Variants in GAREM1 observed in about 807,000 individuals in gnomAD.
GAREM1 encodes the protein GRB2-associated and regulator of MAPK protein 1.
GAREM1 carries 26 observed loss-of-function variants against 71.3 expected under a neutral mutation model. The ratio of observed to expected loss-of-function variants is 0.36; its 90% confidence interval spans 0.27 to 0.51. GAREM1 has a LOEUF of 0.51. Among genes scored for constraint, GAREM1 ranks in the 20% least tolerant of loss-of-function variants. The pLI, the probability that GAREM1 is intolerant of heterozygous loss-of-function variation, is 0.95. For missense variants in GAREM1, 1,026 were observed against 1,103.1 expected, an observed-to-expected ratio of 0.93 and a Z score of 0.99; for synonymous variants, 440 against 433.2, an observed-to-expected ratio of 1.02 and a Z score of -0.20.
chr18:32,450,458 A>G (rs1263960604), intron 1 of GAREM1, among the ~76,000 whole-genome samples: 2 of 152,232 alleles, frequency 1.3e-5, no homozygotes, highest in Admixed American at 6.5e-5. Flanking sequence ...CAACATGTGT[A>G]ACCACAAGCA....
At chr18:32,314,081 A>G (rs562451974) in intron 2 of GAREM1, among the ~76,000 whole-genome samples, 23 of 148,958 alleles carry the variant, frequency 1.5e-4, no homozygotes, top group African/African-American at 5.7e-4. Context: ...ATACTTTTTG[A>G]CAAAAAAAGT....
chr18:32,371,213 C>A (rs959625114), intron 2 of GAREM1, among the ~76,000 whole-genome samples: 2 of 152,080 alleles, frequency 1.3e-5, no homozygotes, highest in Non-Finnish European at 2.9e-5. Flanking sequence ...ACTGGCAGGA[C>A]CCAGGCCAGG....
chr18:32,412,517 T>C, intron 1 of GAREM1: 3 of 1,597,358 alleles, frequency 1.9e-6, no homozygotes, highest in Non-Finnish European at 2.5e-6. Flanking sequence ...CACTGAAGTT[T>C]CCTCCATGAC....
At chr18:32,365,189 T>C (rs1262983892) in intron 2 of GAREM1, among the ~76,000 whole-genome samples, 2 of 152,152 alleles carry the variant, frequency 1.3e-5, no homozygotes, top group African/African-American at 2.4e-5. Context: ...TTCAGAACAA[T>C]AATTTAAAAT....
At chr18:32,368,019 T>C (rs2047942232) in intron 2 of GAREM1, among the ~76,000 whole-genome samples, 1 of 152,156 alleles carries the variant, frequency 6.6e-6, no homozygotes. Flanking sequence ...AGTACATTCC[T>C]ATCCGTGCTT....
At chr18:32,437,034 G>A (rs1156760527) in intron 1 of GAREM1, among the ~76,000 whole-genome samples, 2 of 152,164 alleles carry the variant, frequency 1.3e-5, no homozygotes, top group Non-Finnish European at 2.9e-5. Context: ...CACAGGTAGA[G>A]AGAAAGTAAC....
rs1345608860 is a variant in GAREM1, at chr18:32,265,002, CA to C, written c.*2868del. The C allele has an allele frequency of 1.4e-5, 2 of 145,618 alleles. No individual in the cohort carries two copies. The highest frequency in any genetic ancestry group is 3.1e-5 in the Non-Finnish European group (2 of 65,440). 9.0% of individuals were successfully genotyped at this position (145,618 alleles called of 1,614,324 possible). Reference sequence around the variant, plus strand: ...AGGGTTCTGTGTGTGGATCTCTGGGCATCACTTTTCACTGCAGAATCGCAGG... The same window carrying C: ...AGGGTTCTGTGTGTGGATCTCTGGGCTCACTTTTCACTGCAGAATCGCAGG... On this transcript the variant is annotated 3_prime_UTR_variant, in exon 6 of 6. Transcript: ENST00000269209.
intron 2 of GAREM1, among the ~76,000 whole-genome samples, chr18:32,377,837 A>G (rs1414934371): frequency 2.0e-5 from 3 of 152,188 alleles, no homozygotes; most frequent in African/African-American, 7.2e-5. Context: ...TGCTGGGATT[A>G]CAGGCGTGAG....
chr18:32,469,176 A>G (rs937055696), intron 1 of GAREM1, among the ~76,000 whole-genome samples: 13 of 152,108 alleles, frequency 8.5e-5, no homozygotes, highest in Non-Finnish European at 1.5e-5. Context: ...AACCCCACAG[A>G]TAAGAAACAG....
chr18:32,470,220 G>C lies in GAREM1; in HGVS notation c.121+88C>G. The C allele has an allele frequency of 7.7e-7, 1 of 1,292,328 alleles. No individual in the cohort carries two copies. The highest frequency in any genetic ancestry group is 3.2e-5 in the East Asian group (1 of 31,530). 80.1% of individuals were successfully genotyped at this position (1,292,328 alleles called of 1,614,324 possible). A position where few individuals can be genotyped will look rare whatever the true frequency, so the allele number is the denominator to read the frequency against. Reference sequence around the variant, plus strand: ...CAGGGGCGGGCAGCCCACTCCCCGCGGGTCCCACCCTCTCCAGCACACGCG... The same window carrying C: ...CAGGGGCGGGCAGCCCACTCCCCGCCGGTCCCACCCTCTCCAGCACACGCG... On this transcript the variant is annotated intron_variant, in intron 1 of 5. Coordinates refer to ENST00000269209, the MANE Select transcript of GAREM1 (RefSeq NM_001242409.2). This position sits in a 1 kb window ranked among gnomAD's most constrained non-coding sequence, Gnocchi z 4.4.
chr18:32,327,288 C>T (rs927744369), intron 2 of GAREM1, among the ~76,000 whole-genome samples: 6 of 152,108 alleles, frequency 3.9e-5, no homozygotes, highest in Admixed American at 6.5e-5. Context: ...GGAATTATGG[C>T]TAATATTTTA....
chr18:32,273,100 G>T (rs928141215), intron 4 of GAREM1, among the ~76,000 whole-genome samples: 5 of 152,194 alleles, frequency 3.3e-5, no homozygotes, highest in African/African-American at 1.2e-4. Context: ...GAAATAGGGC[G>T]CATGGAAAAT....
intron 1 of GAREM1, among the ~76,000 whole-genome samples, chr18:32,443,524 CAT>C (rs2048760215): frequency 6.6e-6 from 1 of 152,132 alleles, no homozygotes; most frequent in Admixed American, 6.5e-5. Context: ...GCAACAAGCA[CAT>C]GAGAAGATGC....
At chr18:32,391,831 T>C (rs2048202947) in intron 2 of GAREM1, among the ~76,000 whole-genome samples, 1 of 152,194 alleles carries the variant, frequency 6.6e-6, no homozygotes, top group African/African-American at 2.4e-5. Context: ...AATTCTGTCT[T>C]ATAATTTTTT....
intron 2 of GAREM1, among the ~76,000 whole-genome samples, chr18:32,364,024 A>ATTTT (rs1292370389): frequency 1.9e-5 from 1 of 52,222 alleles, no homozygotes; most frequent in African/African-American, 1.5e-4. Context: ...ATATATATAT[A>ATTTT]TATGTTTTTT....
At chr18:32,422,920 C>T (rs538860324) in intron 1 of GAREM1, among the ~76,000 whole-genome samples, 6 of 152,198 alleles carry the variant, frequency 3.9e-5, no homozygotes, top group Middle Eastern at 3.4e-3. Context: ...CAGTCAGTGG[C>T]GACAGCAAGA....
chr18:32,329,943 T>G (rs545977700), intron 2 of GAREM1, among the ~76,000 whole-genome samples: 1 of 152,234 alleles, frequency 6.6e-6, no homozygotes, highest in African/African-American at 2.4e-5. Flanking sequence ...AGGACATTTG[T>G]GGCAGCATCA....
intron 2 of GAREM1, among the ~76,000 whole-genome samples, chr18:32,333,218 G>A (rs953819494): frequency 6.6e-6 from 1 of 151,490 alleles, no homozygotes; most frequent in African/African-American, 2.4e-5. Context: ...GGAGGAGGAG[G>A]TGGAAGAGAG....
At chr18:32,364,355 T>C (rs1567981083) in intron 2 of GAREM1, among the ~76,000 whole-genome samples, 1 of 151,746 alleles carries the variant, frequency 6.6e-6, no homozygotes, top group Non-Finnish European at 1.5e-5. Flanking sequence ...TTTTAATATC[T>C]TACCTCCAAA....
Sources: allele counts gnomAD v4.1 joint callset (sites outside exome capture counted in the v4.1 genomes callset), GRCh38; gene constraint gnomAD v4.1.1; non-coding constraint Gnocchi (gnomAD v3.1); transcripts MANE v1.5; gene names NCBI Gene and HGNC (gene_info 2026-07-23, HGNC 2026-07-21).